Variants in CFAP77 observed in about 807,000 individuals in gnomAD.
CFAP77 encodes cilia- and flagella-associated protein 77.
CFAP77 carries 25 observed loss-of-function variants against 31.1 expected under a neutral mutation model. The observed-to-expected ratio is 0.80, with a 90% confidence interval of 0.59 to 1.12. CFAP77 has a LOEUF of 1.12. Among genes scored for constraint, CFAP77 ranks in the 50% most tolerant of loss-of-function variants. CFAP77 has a pLI of 0.00. For missense variants in CFAP77, 377 were observed against 397.3 expected (o/e 0.95, Z 0.44); for synonymous variants, 151 against 159.9 (o/e 0.94, Z 0.42).
chr9:132,465,098 AAAAGAAAG>A (rs1335622133), intron 1 of CFAP77, among the ~76,000 whole-genome samples: 1 of 146,238 alleles, frequency 6.8e-6, no homozygotes, highest in Admixed American at 6.7e-5. Context: ...AAAAAAGAAA[AAAAGAAAG>A]AAAGAAAAAG....
At position 132,503,456 on chromosome 9, in the gene CFAP77, C is replaced by T. The variant is rs184002350; in HGVS notation, c.524+3856C>T. 2.0e-5 allele frequency among the ~76,000 whole-genome samples: 3 copies of T among 152,268 alleles called. No homozygotes were observed. The East Asian group carries it at 5.8e-4, about 29-fold the overall frequency. On this transcript the variant is annotated intron_variant, in intron 3 of 5. Transcript: ENST00000393216. The stretch of plus-strand genomic sequence containing the variant: ...TGGGATGCTAGTTCCAGCTTTGTCC[C>T]CAGCTCTCCACGTCACATTCCCCCC...
At chr9:132,442,948 A>G (rs1047652908) in intron 1 of CFAP77, among the ~76,000 whole-genome samples, 14 of 152,176 alleles carry the variant, frequency 9.2e-5, no homozygotes, top group Non-Finnish European at 2.1e-4. Context: ...AGAACACCCC[A>G]AAACCTTCCA....
Position 132,565,005 on chromosome 9 carries a change from A to G in CFAP77, c.733-7383A>G, listed in dbSNP as rs1311852037. On this transcript the variant is annotated intron_variant, in intron 5 of 5. Coordinates refer to ENST00000393216, the MANE Select transcript of CFAP77 (RefSeq NM_001282957.2). This position sits in a 1 kb window ranked among gnomAD's most constrained non-coding sequence, Gnocchi z 4.1. The stretch of plus-strand genomic sequence containing the variant: ...TCCATCTGTAGTATGGGAGAGTTAG[A>G]TTCGATATCACTAAGGTCTCTTCCA... Among the ~76,000 whole-genome samples, 44 of 152,022 alleles carry G rather than the reference A, an allele frequency of 2.9e-4. No individual in the cohort carries two copies. The highest frequency in any genetic ancestry group is 6.3e-4 in the Non-Finnish European group (43 of 68,000).
At position 132,474,588 on chromosome 9, in the gene CFAP77, G is replaced by A. The variant is rs549686095; in HGVS notation, c.196-24107G>A. 4.6e-5 allele frequency among the ~76,000 whole-genome samples: 7 copies of A among 152,228 alleles called. No individual in the cohort carries two copies. In the East Asian group the frequency reaches 7.7e-4, roughly 17 times the overall value. Reference sequence around the variant, plus strand: ...AGTTCAGCCCTTAGGACCAGGGGGGGAATGCACAGATGGAGCTGCTGGGGG... The same window carrying A: ...AGTTCAGCCCTTAGGACCAGGGGGGAAATGCACAGATGGAGCTGCTGGGGG... On this transcript the variant is annotated intron_variant, in intron 1 of 5. Transcript: ENST00000393216.
intron 5 of CFAP77, among the ~76,000 whole-genome samples, chr9:132,543,893 G>A (rs1852688698): frequency 6.6e-6 from 1 of 152,206 alleles, no homozygotes; most frequent in South Asian, 2.1e-4. Flanking sequence ...ACCGTACGGA[G>A]AAAGGGAAGT....
At chr9:132,525,590 T>C (rs933758283) in intron 3 of CFAP77, among the ~76,000 whole-genome samples, 1 of 152,146 alleles carries the variant, frequency 6.6e-6, no homozygotes, top group African/African-American at 2.4e-5. Context: ...CAGCTGCCAA[T>C]TTTATATGCC....
At chr9:132,525,919 G>A (rs1852351467) in intron 3 of CFAP77, among the ~76,000 whole-genome samples, 1 of 152,108 alleles carries the variant, frequency 6.6e-6, no homozygotes, top group South Asian at 2.1e-4. Flanking sequence ...GTTGCTGAGT[G>A]GTATTCCATG....
At chr9:132,458,357 G>GGGTGGGGT (rs139008147) in intron 1 of CFAP77, among the ~76,000 whole-genome samples, 309 of 118,968 alleles carry the variant, frequency 2.6e-3, no homozygotes, top group East Asian at 8.7e-3. Flanking sequence ...GAGGGGGGGG[G>GGGTGGGGT]GTGTGTATGG....
At chr9:132,457,611 C>T (rs998622347) in intron 1 of CFAP77, among the ~76,000 whole-genome samples, 1 of 152,222 alleles carries the variant, frequency 6.6e-6, no homozygotes, top group Admixed American at 6.5e-5. Context: ...GAAAAACTCT[C>T]GCCTTGTTGC....
At chr9:132,473,407 G>C (rs140686525) in intron 1 of CFAP77, among the ~76,000 whole-genome samples, 123 of 152,332 alleles carry the variant, frequency 8.1e-4, no homozygotes, top group Non-Finnish European at 1.4e-3. Flanking sequence ...CAGCTGGGGA[G>C]ACTGAGGCAA....
chr9:132,556,202 C>A (rs1041978573), intron 5 of CFAP77, among the ~76,000 whole-genome samples: 1 of 152,198 alleles, frequency 6.6e-6, no homozygotes, highest in African/African-American at 2.4e-5. Context: ...ACAAAGACAC[C>A]TCAGCAGGGC....
intron 5 of CFAP77, among the ~76,000 whole-genome samples, chr9:132,549,550 G>A (rs1852791832): frequency 6.6e-6 from 1 of 152,192 alleles, no homozygotes; most frequent in African/African-American, 2.4e-5. Context: ...ATGAAAGCAG[G>A]AGCTTGGCCG....
intron 4 of CFAP77, among the ~76,000 whole-genome samples, chr9:132,542,418 G>GCCCTCT (rs1283336722): frequency 4.9e-4 from 74 of 152,352 alleles, no homozygotes; most frequent in African/African-American, 1.7e-3. Context: ...CAGGAGCAGA[G>GCCCTCT]GGGCTTCCAC....
intron 3 of CFAP77, chr9:132,513,198 T>A: frequency 6.8e-7 from 1 of 1,475,058 alleles, no homozygotes; most frequent in South Asian, 1.3e-5. Flanking sequence ...AATTAAGTTA[T>A]TATTGACTCT....
chr9:132,560,173 A>T (rs910962229), intron 5 of CFAP77, among the ~76,000 whole-genome samples: 2 of 152,198 alleles, frequency 1.3e-5, no homozygotes, highest in African/African-American at 4.8e-5. Context: ...TATCTCAATA[A>T]AGCTGTTTTT....
intron 1 of CFAP77, among the ~76,000 whole-genome samples, chr9:132,450,868 G>C (rs892380984): frequency 6.6e-6 from 1 of 152,218 alleles, no homozygotes; most frequent in Non-Finnish European, 1.5e-5. Flanking sequence ...TGAGAGGTAA[G>C]CAGCAGAGGG....
At chr9:132,416,080 C>A (rs1850089652) in intron 1 of CFAP77, among the ~76,000 whole-genome samples, 1 of 152,054 alleles carries the variant, frequency 6.6e-6, no homozygotes, top group Non-Finnish European at 1.5e-5. Context: ...TGTAACCAGG[C>A]ATAGGACTTT....
In CFAP77 at chr9:132,455,273, G is replaced by A. The variant is rs922203274; in HGVS notation, c.196-43422G>A. On this transcript the variant is annotated intron_variant, in intron 1 of 5. Transcript: ENST00000393216. The surrounding 1 kb of genome is among the most constrained non-coding windows in gnomAD (Gnocchi z 4.1). Reference sequence around the variant, plus strand: ...TGTAATCCCAGCACTTTGGGAGGCCGAGGCGGGTGGATCACCTGAGGTCAG... The same window carrying A: ...TGTAATCCCAGCACTTTGGGAGGCCAAGGCGGGTGGATCACCTGAGGTCAG... 7.2e-5 allele frequency among the ~76,000 whole-genome samples: 11 copies of A among 152,156 alleles called. No homozygotes were observed. The South Asian group carries it at 1.2e-3, about 17-fold the overall frequency.
At chr9:132,541,848 C>G (rs1852648203) in intron 4 of CFAP77, among the ~76,000 whole-genome samples, 1 of 152,184 alleles carries the variant, frequency 6.6e-6, no homozygotes, top group Non-Finnish European at 1.5e-5. Context: ...TCGGTTCAGT[C>G]TTTATTTGCC....
Sources: gnomAD v4.1 joint callset for allele counts (sites outside exome capture counted in the v4.1 genomes callset) on GRCh38, gnomAD v4.1.1 for gene constraint, Gnocchi (gnomAD v3.1) non-coding constraint, MANE v1.5 for transcripts, NCBI Gene and HGNC (gene_info 2026-07-23, HGNC 2026-07-21) for gene names.